CRYBG1: variants seen among roughly 807,000 people sequenced by gnomAD.
CRYBG1 encodes crystallin beta-gamma domain containing 1.
CRYBG1 carries 139 observed loss-of-function variants against 189.2 expected under a neutral mutation model. That is an observed-to-expected ratio of 0.73 (90% CI 0.64 to 0.85). CRYBG1 has a LOEUF of 0.85. Ranked by LOEUF, CRYBG1 falls within the 40% of genes least tolerant of loss-of-function variation. The probability of loss-of-function intolerance (pLI) is 0.00; values close to 1 mark genes in which losing one functional copy is unlikely to be tolerated. For missense variants in CRYBG1, 2,611 were observed against 2,675.8 expected, an observed-to-expected ratio of 0.98 and a Z score of 0.53; for synonymous variants, 1,023 against 1,017.1, an observed-to-expected ratio of 1.01 and a Z score of -0.11.
chr6:106,565,320 C>CA (rs10681180), intron 21 of CRYBG1, among the ~76,000 whole-genome samples: 75,758 of 147,952 alleles, frequency 0.51, 20,044 homozygotes, highest in East Asian at 0.8. Context: ...GACTTCGTCT[C>CA]AAAAAAAAAA....
At chr6:106,417,682 C>T (rs1276381142) in intron 1 of CRYBG1, among the ~76,000 whole-genome samples, 2 of 152,192 alleles carry the variant, frequency 1.3e-5, no homozygotes, top group Non-Finnish European at 2.9e-5. Context: ...GTCTACTTGG[C>T]CTGCCACACT....
intron 2 of CRYBG1, among the ~76,000 whole-genome samples, chr6:106,508,821 G>A (rs1370008345): frequency 6.6e-6 from 1 of 151,956 alleles, no homozygotes; most frequent in African/African-American, 2.4e-5. Context: ...AGTCTGGCTG[G>A]TGATAAACAG....
intron 1 of CRYBG1, among the ~76,000 whole-genome samples, chr6:106,395,912 T>TAGGCAAATGAC (rs1770598009): frequency 2.2e-5 from 3 of 134,268 alleles, no homozygotes; most frequent in African/African-American, 7.5e-5. Context: ...AGGCAAATGA[T>TAGGCAAATGAC]AACACTTAGC....
intron 13 of CRYBG1, among the ~76,000 whole-genome samples, chr6:106,548,890 C>T (rs201817201): frequency 6.0e-5 from 7 of 116,590 alleles, no homozygotes; most frequent in East Asian, 6.4e-4. Flanking sequence ...CTATCCCTCC[C>T]CCCTCCCCCC....
chr6:106,553,722 G>A (rs771723104), intron 16 of CRYBG1, among the ~76,000 whole-genome samples, 155 bp downstream of exon 16: 2 of 152,144 alleles, frequency 1.3e-5, no homozygotes, highest in Non-Finnish European at 2.9e-5. Flanking sequence ...AGTACCAGAC[G>A]CCAGAGGACA....
chr6:106,413,991 A>C (rs1188257194), intron 1 of CRYBG1, among the ~76,000 whole-genome samples: 1 of 152,234 alleles, frequency 6.6e-6, no homozygotes, highest in Non-Finnish European at 1.5e-5. Context: ...TTCTAGTTTT[A>C]AAAGCAGATT....
rs565852159 is a variant in CRYBG1, at chr6:106,430,748, T to A, written c.174-20946T>A. On this transcript the variant is annotated intron_variant, in intron 1 of 21. Transcript: ENST00000633556. ...GTGGCCTTTCCCTCTCCATGGGGCG[T>A]CTGTAGCCGGGTAGCTGCACCTCTT... Among the ~76,000 whole-genome samples, 5 of 152,152 alleles carry A rather than the reference T, an allele frequency of 3.3e-5. No individual in the cohort carries two copies. In the South Asian group the frequency reaches 1.0e-3, roughly 32 times the overall value.
At chr6:106,567,824 G>A (rs1774935550) in intron 21 of CRYBG1, among the ~76,000 whole-genome samples, 1 of 152,188 alleles carries the variant, frequency 6.6e-6, no homozygotes, top group Non-Finnish European at 1.5e-5. Context: ...AACAGGGAGA[G>A]AGTTCATGAT....
chr6:106,476,983 A>G (rs1165851324), intron 2 of CRYBG1, among the ~76,000 whole-genome samples: 1 of 152,226 alleles, frequency 6.6e-6, no homozygotes, highest in Non-Finnish European at 1.5e-5. Context: ...TGTGTTTATT[A>G]CATGTAAAGT....
At chr6:106,544,111 A>G (rs1181269502) in intron 11 of CRYBG1, among the ~76,000 whole-genome samples, 1 of 152,228 alleles carries the variant, frequency 6.6e-6, no homozygotes, top group Non-Finnish European at 1.5e-5. Flanking sequence ...GCTTATTAGA[A>G]TTATGCTCCA....
Position 106,527,327 on chromosome 6 carries a change from A to C in CRYBG1, c.4435A>C (p.Asn1479His). The change falls in exon 7 of 22, where the codon AAT (asparagine) becomes CAT (histidine). Residue 1479 changes from asparagine (N) to histidine (H), a missense_variant. This residue lies in a region of CRYBG1 where 1,622 missense variants were observed against 1,735.0 expected (regional missense o/e 0.93). Coordinates refer to ENST00000633556, the MANE Select transcript of CRYBG1 (RefSeq NM_001371242.2). ...TAGTTGGATTTTGTATGAGCAACCA[A>C]ATTTTGAAGGGCACTCCATCCCCTT... ...RGCWILYEQP[N>H]FEGHSIPLEE... The C allele has an allele frequency of 1.2e-6, 2 of 1,611,586 alleles. No individual in the cohort carries two copies. The highest frequency in any genetic ancestry group is 1.7e-4 in the Middle Eastern group (1 of 6,042).
At chr6:106,524,029 A>G (rs1164218375) in intron 4 of CRYBG1, among the ~76,000 whole-genome samples, 1 of 152,050 alleles carries the variant, frequency 6.6e-6, no homozygotes, top group East Asian at 1.9e-4. Context: ...ACTGCGCCCC[A>G]GCCTTTTGTG....
chr6:106,467,261 G>A (rs1427454134), intron 2 of CRYBG1, among the ~76,000 whole-genome samples: 3 of 152,038 alleles, frequency 2.0e-5, no homozygotes, highest in East Asian at 1.9e-4. Flanking sequence ...TCAGGAATTC[G>A]AGACCAGCAT....
chr6:106,449,025 T>C (rs1316155817), intron 1 of CRYBG1, among the ~76,000 whole-genome samples: 4 of 152,212 alleles, frequency 2.6e-5, no homozygotes, highest in Admixed American at 2.6e-4. Flanking sequence ...TTGTTTTATA[T>C]GTGATAATAT....
intron 1 of CRYBG1, among the ~76,000 whole-genome samples, chr6:106,383,969 C>G (rs1562292190): frequency 6.6e-6 from 1 of 152,314 alleles, no homozygotes; most frequent in East Asian, 1.9e-4. Flanking sequence ...AAAGAAGCTT[C>G]CTTGTTCATA....
At chr6:106,498,409 A>G (rs770398532) in intron 2 of CRYBG1, among the ~76,000 whole-genome samples, 1 of 152,182 alleles carries the variant, frequency 6.6e-6, no homozygotes, top group Non-Finnish European at 1.5e-5. Flanking sequence ...CCGGAACGCC[A>G]TAATCCCGAA....
rs368339347 is a variant in CRYBG1 at position 106,519,171 on chromosome 6, C to G, written c.1963C>G (p.Pro655Ala). ...PKHVELNLKT[P>A]KNLDSLGNEH... is the part of the protein sequence containing the mutation. ...ACATGTGGAACTAAATCTTAAAACC[C>G]CTAAGAATCTTGACAGTTTGGGAAA... Residue 655 changes from proline to alanine, a missense_variant, in exon 4 of 22, where the codon CCT becomes GCT. Pro to Ala is a conservative substitution (Grantham distance 27). This residue lies in a region of CRYBG1 where 985 missense variants were observed against 924.4 expected (regional missense o/e 1.07). Coordinates refer to ENST00000633556, the MANE Select transcript of CRYBG1 (RefSeq NM_001371242.2). 1.2e-6 allele frequency: 2 copies of G among 1,613,974 alleles called. No homozygotes were observed. Among genetic ancestry groups the G allele is most frequent in the Admixed American group, 3.3e-5 (2 of 59,988 alleles).
intron 2 of CRYBG1, among the ~76,000 whole-genome samples, chr6:106,480,672 G>GA (rs144085216): frequency 1.7e-4 from 23 of 138,018 alleles, no homozygotes; most frequent in East Asian, 2.1e-4. Flanking sequence ...ATCTCAAAAA[G>GA]AAAAAAAAAA....
intron 1 of CRYBG1, among the ~76,000 whole-genome samples, chr6:106,397,944 C>G (rs1328150369): frequency 1.3e-5 from 2 of 152,214 alleles, no homozygotes; most frequent in African/African-American, 4.8e-5. Flanking sequence ...ATTTATATGG[C>G]CCCACCTTCT....
Sources: allele counts gnomAD v4.1 joint callset (sites outside exome capture counted in the v4.1 genomes callset), GRCh38; gene constraint gnomAD v4.1.1; regional missense constraint gnomAD v4.1.1; transcripts MANE v1.5; gene names NCBI Gene and HGNC (gene_info 2026-07-23, HGNC 2026-07-21).